The following MTAP variants were observed in gnomAD, a reference collection of about 807,000 sequenced individuals.
MTAP encodes the protein S-methyl-5'-thioadenosine phosphorylase.
A neutral mutation model predicts 33.6 loss-of-function variants in MTAP; 33 were observed. That is an observed-to-expected ratio of 0.98 (90% CI 0.74 to 1.31). The LOEUF is 1.31. MTAP is among the 40% of genes most tolerant of loss of function. The probability of loss-of-function intolerance (pLI) is 0.00; values close to 1 mark genes in which losing one functional copy is unlikely to be tolerated. For missense variants in MTAP, 367 were observed against 360.0 expected (o/e 1.02, Z -0.16); for synonymous variants, 148 against 125.7 (o/e 1.18, Z -1.19).
intron 1 of MTAP, among the ~76,000 whole-genome samples, chr9:21,924,307 G>T (rs1587300954): frequency 6.6e-6 from 1 of 152,270 alleles, no homozygotes; most frequent in African/African-American, 2.4e-5. Context: ...CCCTTTGGAT[G>T]CATCCTCAAG....
rs74595472 is a variant in MTAP at position 21,888,394 on chromosome 9, T to C, written c.147+33524T>C. ...CTTTGTTGACTTTTGGTCTTCATAATCGGTCTAGTGCTGTCAGTGAAGTAT... is the reference window on the plus strand; with the variant it reads ...CTTTGTTGACTTTTGGTCTTCATAACCGGTCTAGTGCTGTCAGTGAAGTAT... On this transcript the variant is annotated intron_variant, in intron 1 of 1. Transcript: ENST00000577563. Among the ~76,000 whole-genome samples the C allele has an allele frequency of 4.5e-4, 68 of 152,280 alleles. 1 individual carries two copies. The East Asian group carries it at 0.011, about 25-fold the overall frequency.
chr9:21,844,637 C>A (rs907757990), intron 5 of MTAP, among the ~76,000 whole-genome samples: 2 of 152,140 alleles, frequency 1.3e-5, no homozygotes, highest in Admixed American at 1.3e-4. Flanking sequence ...ATCACATGGT[C>A]ATCTCAATAG....
intron 1 of MTAP, among the ~76,000 whole-genome samples, chr9:21,924,699 A>G (rs1818838934): frequency 6.6e-6 from 1 of 152,122 alleles, no homozygotes; most frequent in South Asian, 2.1e-4. Context: ...TGGCCCCATT[A>G]TATCCAAGTC....
chr9:21,867,223 A>G (rs1825866712), downstream of MTAP: 2 of 152,288 alleles, frequency 1.3e-5, no homozygotes, highest in Middle Eastern at 6.8e-3. Context: ...AATGTTGAAT[A>G]GAAGCGGTGT....
intron 1 of MTAP, among the ~76,000 whole-genome samples, chr9:21,804,647 G>A (rs1347550410): frequency 6.6e-6 from 1 of 152,196 alleles, no homozygotes; most frequent in Non-Finnish European, 1.5e-5. Context: ...CTGTATAGAA[G>A]ATGTGAGGTG....
At chr9:21,837,619 C>T (rs983086043) in intron 4 of MTAP, among the ~76,000 whole-genome samples, 2 of 152,146 alleles carry the variant, frequency 1.3e-5, no homozygotes, top group African/African-American at 4.8e-5. Context: ...CTTTCTGAGC[C>T]CACAGTTGAG....
intron 1 of MTAP, among the ~76,000 whole-genome samples, chr9:21,929,038 G>A (rs1818911786): frequency 6.6e-6 from 1 of 152,058 alleles, no homozygotes; most frequent in South Asian, 2.1e-4. Flanking sequence ...TCTCATTAAA[G>A]CTTGGAAGGT....
At chr9:21,834,816 G>A (rs1244915411) in intron 4 of MTAP, among the ~76,000 whole-genome samples, 1 of 152,162 alleles carries the variant, frequency 6.6e-6, no homozygotes, top group Non-Finnish European at 1.5e-5. Context: ...AGGTTCTAAG[G>A]GTTAGCATGT....
At chr9:21,802,859 CG>C in intron 1 of MTAP, 78 bp downstream of exon 1, 1 of 1,579,770 alleles carries the variant, frequency 6.3e-7, no homozygotes, top group Non-Finnish European at 8.6e-7. Context: ...ACCGCGCCTC[CG>C]GGGGCCATGC....
At chr9:21,861,862 T>C in intron 7 of MTAP, 114 bp from the exon 8 acceptor site, 1 of 760,524 alleles carries the variant, frequency 1.3e-6, no homozygotes. Context: ...TTAAAGTGTA[T>C]GTTTCCTGCG....
intron 5 of MTAP, among the ~76,000 whole-genome samples, chr9:21,841,598 G>T (rs990422649): frequency 1.3e-5 from 2 of 151,786 alleles, no homozygotes; most frequent in Non-Finnish European, 2.9e-5. Context: ...GGATCACATC[G>T]CAGTACTCAT....
At chr9:21,899,313 C>A (rs1401869488) in intron 1 of MTAP, among the ~76,000 whole-genome samples, 1 of 150,238 alleles carries the variant, frequency 6.7e-6, no homozygotes, top group African/African-American at 2.5e-5. Flanking sequence ...AGCACACCAA[C>A]ATGGCACATG....
In MTAP at chr9:21,882,659, A is replaced by G. The variant is rs1818033891; in HGVS notation, c.147+27789A>G. ...TGATTAAGTAAACGTTTTATATGCA[A>G]TAATCAGAAAATATCTCTATACATT... is the stretch of plus-strand genomic sequence containing the variant. On this transcript the variant is annotated intron_variant, in intron 1 of 1. Transcript: ENST00000577563. Among the ~76,000 whole-genome samples, 6 of 152,068 alleles carry G rather than the reference A, an allele frequency of 3.9e-5. No individual in the cohort carries two copies. The South Asian group carries it at 1.0e-3, about 26-fold the overall frequency.
downstream of MTAP, chr9:21,934,734 T>A (rs1447689194): frequency 1.3e-5 from 2 of 151,738 alleles, no homozygotes; most frequent in Admixed American, 1.3e-4. This position sits in a 1 kb window ranked among gnomAD's most constrained non-coding sequence, Gnocchi z 5.0. Flanking sequence ...GGAGTCTCTC[T>A]CTGTTGCCCA....
chr9:21,885,313 A>G (rs1818090911), intron 1 of MTAP, among the ~76,000 whole-genome samples: 2 of 152,170 alleles, frequency 1.3e-5, no homozygotes, highest in Admixed American at 6.5e-5. Context: ...TGAATCATGT[A>G]TACTCCAATA....
At chr9:21,886,509 G>A (rs920655434) in intron 1 of MTAP, among the ~76,000 whole-genome samples, 4 of 151,978 alleles carry the variant, frequency 2.6e-5, no homozygotes, top group African/African-American at 7.3e-5. Context: ...TGGGTTCTTC[G>A]TCATGAACTT....
chr9:21,816,694 C>G lies in MTAP; in HGVS notation c.121-20C>G, dbSNP rs931233890. On this transcript the variant is annotated intron_variant, in intron 2 of 7. Transcript: ENST00000644715. ...GTTTTTAAATCACTGAGTTAAATGT[C>G]ATTTTTTCATTGCATGCAGCCATCT... The G allele has an allele frequency of 1.4e-5, 22 of 1,604,310 alleles. No homozygotes were observed. Among genetic ancestry groups the G allele is most frequent in the Non-Finnish European group, 1.7e-5 (20 of 1,175,898 alleles).
chr9:21,936,359 CAG>C (rs1175408733), exon 8 of MTAP: 1 of 152,240 alleles, frequency 6.6e-6, no homozygotes, highest in Non-Finnish European at 1.5e-5. Flanking sequence ...TCTATCCAGA[CAG>C]ATGATGATAA....
chr9:21,843,131 A>T (rs1004608085), intron 5 of MTAP, among the ~76,000 whole-genome samples: 2 of 152,230 alleles, frequency 1.3e-5, no homozygotes, highest in Admixed American at 1.3e-4. Context: ...ATATCAGAAA[A>T]GAACAGACTT....
Sources: gnomAD v4.1 joint callset for allele counts (sites outside exome capture counted in the v4.1 genomes callset) on GRCh38, gnomAD v4.1.1 for gene constraint, Gnocchi (gnomAD v3.1) non-coding constraint, MANE v1.5 for transcripts, NCBI Gene and HGNC (gene_info 2026-07-23, HGNC 2026-07-21) for gene names.